PRKRIP1: variants seen among roughly 807,000 people sequenced by gnomAD.
The protein encoded by PRKRIP1 is PRKR-interacting protein 1.
PRKRIP1 carries 29 observed loss-of-function variants against 29.3 expected under a neutral mutation model. The observed-to-expected ratio is 0.99, with a 90% CI of 0.74 to 1.35. The LOEUF (loss-of-function observed/expected upper bound fraction) is 1.35, where lower values mean the gene tolerates loss of function less well. Ranked by LOEUF, PRKRIP1 falls within the 40% of genes most tolerant of loss-of-function variation. PRKRIP1 has a pLI of 0.00. For synonymous variants in PRKRIP1, 90 were observed against 85.1 expected, an observed-to-expected ratio of 1.06 and a Z score of -0.32; for missense variants, 247 against 236.8, an observed-to-expected ratio of 1.04 and a Z score of -0.28.
intron 3 of PRKRIP1, among the ~76,000 whole-genome samples, chr7:102,400,565 G>A (rs907121074): frequency 3.9e-5 from 6 of 152,126 alleles, no homozygotes; most frequent in South Asian, 2.1e-4. Flanking sequence ...GGGAAAAGAC[G>A]TATGAGGGGA....
intron 5 of PRKRIP1, among the ~76,000 whole-genome samples, chr7:102,421,156 C>G (rs782186735): frequency 5.3e-5 from 8 of 152,086 alleles, no homozygotes; most frequent in Non-Finnish European, 1.2e-4. Context: ...TTTCTGTAGC[C>G]CAGAGAGCCA....
chr7:102,425,338 C>T lies in PRKRIP1; in HGVS notation c.*227C>T. On this transcript the variant is annotated 3_prime_UTR_variant, in exon 6 of 6. Coordinates refer to ENST00000397912, the MANE Select transcript of PRKRIP1 (RefSeq NM_024653.4). The stretch of plus-strand genomic sequence containing the variant: ...CTGCCTTGCAGACACCATCCGTGCT[C>T]CTGGTAAAGGGGGACAGAGAGCCTC... 2.5e-6 allele frequency: 2 copies of T among 792,082 alleles called. No individual in the cohort carries two copies. Among genetic ancestry groups the T allele is most frequent in the East Asian group, 3.1e-5 (1 of 32,634 alleles). 49.1% of individuals were successfully genotyped at this position (792,082 alleles called of 1,614,324 possible).
chr7:102,404,115 A>G (rs1280626342), intron 3 of PRKRIP1, among the ~76,000 whole-genome samples: 2 of 152,194 alleles, frequency 1.3e-5, no homozygotes, highest in Admixed American at 1.3e-4. Flanking sequence ...GTAGTGAGCT[A>G]TTGTGCCACT....
At chr7:102,407,063 A>C (rs1230046661) in intron 4 of PRKRIP1, among the ~76,000 whole-genome samples, 1 of 151,858 alleles carries the variant, frequency 6.6e-6, no homozygotes, top group Non-Finnish European at 1.5e-5. Context: ...AAATACAAAA[A>C]ATTAGCTGGG....
intron 1 of PRKRIP1, 98 bp from the exon 2 acceptor site, chr7:102,397,522 A>T: frequency 2.1e-6 from 2 of 958,030 alleles, no homozygotes; most frequent in Non-Finnish European, 3.3e-6. Flanking sequence ...CTCCAGCCTG[A>T]GGAACAGAGC....
At chr7:102,400,001 CAAAA>C (rs782496537) in intron 3 of PRKRIP1, among the ~76,000 whole-genome samples, 2 of 72,280 alleles carry the variant, frequency 2.8e-5, no homozygotes, top group Admixed American at 1.6e-4. Context: ...AACTCCATCT[CAAAA>C]AAAAAAAAAA....
At position 102,417,885 on chromosome 7, in the gene PRKRIP1, G is replaced by A. The variant is rs1479047918; in HGVS notation, c.458-7129G>A. ...GTCCCCCTGCCTCAGCCTCCCAAAA[G>A]TGCTGGAATTACAGGCATGAACCAC... On this transcript the variant is annotated intron_variant, in intron 5 of 5. Transcript: ENST00000397912. Among the ~76,000 whole-genome samples the A allele has an allele frequency of 2.0e-5, 3 of 151,190 alleles. No individual in the cohort carries two copies. The East Asian group carries it at 5.9e-4, about 30-fold the overall frequency.
chr7:102,425,811 T>TC lies in PRKRIP1; in HGVS notation c.*702dup, dbSNP rs1460395125. On this transcript the variant is annotated 3_prime_UTR_variant, in exon 6 of 6. Transcript: ENST00000397912. ...CACCGGAGAGTGAGCAGGCGGAGAC[T>TC]CCAAGCTGGGCTGAGCCAGAGCAGA... 1 of 155,908 alleles carries TC rather than the reference T, an allele frequency of 6.4e-6. No homozygotes were observed. Among genetic ancestry groups the TC allele is most frequent in the Non-Finnish European group, 1.4e-5 (1 of 69,968 alleles). The allele number at this position is 155,908 out of a possible 1,614,324, so 9.7% of individuals were successfully genotyped here.
At position 102,425,112 on chromosome 7, in the gene PRKRIP1, C is replaced by T; in HGVS notation, c.*1C>T. On this transcript the variant is annotated 3_prime_UTR_variant, in exon 6 of 6. Coordinates refer to ENST00000397912, the MANE Select transcript of PRKRIP1 (RefSeq NM_024653.4). ...GCCCAGTTTCACCATGGGGCGATGA[C>T]AATGTTTGCCACAGCCTCTGCCTGG... 1.2e-6 allele frequency: 2 copies of T among 1,610,698 alleles called. No homozygotes were observed. Among genetic ancestry groups the T allele is most frequent in the South Asian group, 2.2e-5 (2 of 90,824 alleles).
At chr7:102,412,003 C>T (rs1022346165) in intron 5 of PRKRIP1, among the ~76,000 whole-genome samples, 3 of 151,848 alleles carry the variant, frequency 2.0e-5, no homozygotes, top group African/African-American at 4.8e-5. Context: ...AGTGCAGTGG[C>T]GTGATCTCAG....
In PRKRIP1 at chr7:102,399,603, G is replaced by T; in HGVS notation, c.261G>T (p.Arg87=). The change falls in exon 3 of 6, where the codon CGG becomes CGT. Residue 87 remains arginine (R), a synonymous_variant. Transcript: ENST00000397912. The part of the protein sequence containing the change: ...GEFHVYRHLR[R]REYQRQDYMD... Reference sequence around the variant, plus strand: ...TCCACGTGTACAGACATCTGCGCCGGAGAGAATATCAGCGACAGGACTACA... The same window carrying T: ...TCCACGTGTACAGACATCTGCGCCGTAGAGAATATCAGCGACAGGACTACA... The T allele has an allele frequency of 3.1e-6, 5 of 1,614,130 alleles. No individual in the cohort carries two copies. Among genetic ancestry groups the T allele is most frequent in the Non-Finnish European group, 4.2e-6 (5 of 1,180,034 alleles).
At chr7:102,407,676 G>A (rs552739947) in intron 5 of PRKRIP1, among the ~76,000 whole-genome samples, 178 bp downstream of exon 5, 4 of 152,162 alleles carry the variant, frequency 2.6e-5, no homozygotes, top group Non-Finnish European at 4.4e-5. Flanking sequence ...AAACCAAACT[G>A]GCTTAAGCAA....
chr7:102,419,713 T>A (rs1335235093), intron 5 of PRKRIP1, among the ~76,000 whole-genome samples: 1 of 152,172 alleles, frequency 6.6e-6, no homozygotes, highest in Non-Finnish European at 1.5e-5. Flanking sequence ...CCCATTCCTT[T>A]TGCCAAGTAG....
At chr7:102,398,064 G>A (rs1795963558) in intron 2 of PRKRIP1, among the ~76,000 whole-genome samples, 2 of 152,124 alleles carry the variant, frequency 1.3e-5, no homozygotes, top group East Asian at 3.9e-4. Flanking sequence ...AAAAAAAAAG[G>A]TAGCTATAAA....
chr7:102,415,069 T>G (rs1796496819), intron 5 of PRKRIP1, among the ~76,000 whole-genome samples: 1 of 152,082 alleles, frequency 6.6e-6, no homozygotes, highest in Non-Finnish European at 1.5e-5. Flanking sequence ...TCCTCAACAT[T>G]TTACTCTTCC....
At chr7:102,421,157 C>T (rs1296999572) in intron 5 of PRKRIP1, among the ~76,000 whole-genome samples, 4 of 152,158 alleles carry the variant, frequency 2.6e-5, no homozygotes, top group African/African-American at 7.2e-5. Context: ...TTCTGTAGCC[C>T]AGAGAGCCAA....
chr7:102,414,336 G>A (rs1796475290), intron 5 of PRKRIP1, among the ~76,000 whole-genome samples: 1 of 152,086 alleles, frequency 6.6e-6, no homozygotes, highest in Admixed American at 6.6e-5. Flanking sequence ...TAGTCTCCAT[G>A]TGCACATCAT....
intron 5 of PRKRIP1, among the ~76,000 whole-genome samples, chr7:102,412,556 A>G (rs1796417243): frequency 6.6e-6 from 1 of 152,224 alleles, no homozygotes; most frequent in Non-Finnish European, 1.5e-5. Flanking sequence ...GCCTGTCCCA[A>G]AAAAGAAGTG....
chr7:102,418,068 A>T (rs1201289285), intron 5 of PRKRIP1, among the ~76,000 whole-genome samples: 20 of 136,922 alleles, frequency 1.5e-4, no homozygotes, highest in African/African-American at 5.2e-4. Flanking sequence ...TTTTTTTAAG[A>T]TAGAGTTTCA....
Sources: gnomAD v4.1 joint callset for allele counts (sites outside exome capture counted in the v4.1 genomes callset) on GRCh38, gnomAD v4.1.1 for gene constraint, MANE v1.5 for transcripts, NCBI Gene and HGNC (gene_info 2026-07-23, HGNC 2026-07-21) for gene names.